Variants in AHCYL2 observed in about 807,000 individuals in gnomAD.
AHCYL2 encodes the protein adenosylhomocysteinase like 2.
AHCYL2 carries 28 observed loss-of-function variants against 81.4 expected under a neutral mutation model. The ratio of observed to expected loss-of-function variants is 0.34; its 90% CI spans 0.25 to 0.47. AHCYL2 has a LOEUF of 0.47. Ranked by LOEUF, AHCYL2 falls within the 20% of genes least tolerant of loss-of-function variation. The probability of loss-of-function intolerance (pLI) is 1.00; values close to 1 mark genes in which losing one functional copy is unlikely to be tolerated. For synonymous variants in AHCYL2, 272 were observed against 290.2 expected (o/e 0.94, Z 0.64); for missense variants, 551 against 785.1 (o/e 0.70, Z 3.56).
intron 1 of AHCYL2, among the ~76,000 whole-genome samples, chr7:129,236,269 C>T (rs1794641207): frequency 6.6e-6 from 1 of 151,696 alleles, no homozygotes; most frequent in Non-Finnish European, 1.5e-5. Context: ...GGTGTGATCT[C>T]AGCTCACTGC....
chr7:129,237,407 CT>C (rs1794677442), intron 1 of AHCYL2, among the ~76,000 whole-genome samples: 1 of 152,052 alleles, frequency 6.6e-6, no homozygotes, highest in Admixed American at 6.6e-5. Context: ...ATTTTTCTTT[CT>C]TAACTCTTAG....
intron 1 of AHCYL2, among the ~76,000 whole-genome samples, chr7:129,343,805 C>G (rs2150819726): frequency 6.6e-6 from 1 of 152,188 alleles, no homozygotes; most frequent in South Asian, 2.1e-4. Context: ...TGATAGAGTT[C>G]TCCAAAATTA....
Position 129,335,229 on chromosome 7 carries a change from C to T in AHCYL2, c.364-44409C>T, listed in dbSNP as rs139568762. Among the ~76,000 whole-genome samples, 766 of 152,116 alleles carry T rather than the reference C, an allele frequency of 5.0e-3. 10 individuals carry two copies. The highest frequency in any genetic ancestry group is 0.018 in the African/African-American group (732 of 41,500). ...AAAAAATAAAAATAAAAAAATTAGC[C>T]TGGCCTGGTGGCACATGCCTGTAGT... On this transcript the variant is annotated intron_variant, in intron 1 of 16. Coordinates refer to ENST00000325006, the MANE Select transcript of AHCYL2 (RefSeq NM_015328.4).
chr7:129,397,221 G>T lies in AHCYL2; in HGVS notation c.721-1G>T. 6.2e-7 allele frequency: 1 copy of T among 1,613,768 alleles called. No individual in the cohort carries two copies. On this transcript the variant is annotated splice_acceptor_variant, in intron 4 of 16. Coordinates refer to ENST00000325006, the MANE Select transcript of AHCYL2 (RefSeq NM_015328.4). LOFTEE classifies it high-confidence loss of function. ...CATACCCTGCTTTGTCTTTAATACA[G>T]GTGCTTATGGAAACTCTGGGTGCTC...
intron 2 of AHCYL2, among the ~76,000 whole-genome samples, chr7:129,382,298 T>C (rs577792498): frequency 2.0e-5 from 3 of 152,280 alleles, no homozygotes; most frequent in Admixed American, 6.5e-5. Flanking sequence ...TTTCAGCATA[T>C]GTTATAATTT....
intron 1 of AHCYL2, among the ~76,000 whole-genome samples, chr7:129,229,220 A>AT (rs1179591430): frequency 3.3e-5 from 5 of 152,172 alleles, no homozygotes; most frequent in African/African-American, 1.2e-4. Flanking sequence ...GGCATGCACC[A>AT]CCATGCCCGG....
At chr7:129,304,417 T>A (rs1379255626) in intron 1 of AHCYL2, among the ~76,000 whole-genome samples, 4 of 152,250 alleles carry the variant, frequency 2.6e-5, no homozygotes, top group African/African-American at 9.6e-5. Flanking sequence ...TAGTGCAGAT[T>A]AAGTCCAGTG....
At chr7:129,237,829 A>G (rs936828678) in intron 1 of AHCYL2, among the ~76,000 whole-genome samples, 5 of 152,048 alleles carry the variant, frequency 3.3e-5, no homozygotes, top group Admixed American at 1.3e-4. Context: ...GGGTTCAAGC[A>G]ACCCCAGCCT....
rs115328799 is a variant in AHCYL2 at position 129,385,094 on chromosome 7, G to C, written c.476-3962G>C. 6.6e-3 allele frequency among the ~76,000 whole-genome samples: 1,003 copies of C among 152,326 alleles called. 9 individuals carry two copies. The highest frequency in any genetic ancestry group is 0.023 in the African/African-American group (962 of 41,572). On this transcript the variant is annotated intron_variant, in intron 2 of 16. Coordinates refer to ENST00000325006, the MANE Select transcript of AHCYL2 (RefSeq NM_015328.4). ...TTAAGGATGAGGAAAGAAGACAGAA[G>C]TCCCTTCTTCACGATTGGTTCTTTT...
At chr7:129,267,329 A>G (rs1301606508) in intron 1 of AHCYL2, among the ~76,000 whole-genome samples, 1 of 150,232 alleles carries the variant, frequency 6.7e-6, no homozygotes, top group Non-Finnish European at 1.5e-5. Context: ...TTTGAGACAG[A>G]GTTTCACTCT....
chr7:129,245,267 G>A (rs1795009988), intron 1 of AHCYL2, among the ~76,000 whole-genome samples: 1 of 151,860 alleles, frequency 6.6e-6, no homozygotes, highest in Non-Finnish European at 1.5e-5. Flanking sequence ...TCAGGTGATC[G>A]ACCTGCCTCA....
chr7:129,403,860 C>CAAGAAA (rs1796157065), intron 7 of AHCYL2, among the ~76,000 whole-genome samples: 1 of 80,200 alleles, frequency 1.2e-5, no homozygotes, highest in Non-Finnish European at 2.7e-5. Context: ...GACTCCATCT[C>CAAGAAA]AAAAAAAAAA....
intron 1 of AHCYL2, among the ~76,000 whole-genome samples, chr7:129,337,381 C>T (rs1798640327): frequency 6.6e-6 from 1 of 151,810 alleles, no homozygotes; most frequent in African/African-American, 2.4e-5. Context: ...ATAGATAGGC[C>T]GTAATTTATT....
intron 1 of AHCYL2, among the ~76,000 whole-genome samples, chr7:129,292,338 A>C (rs777768628): frequency 6.6e-6 from 1 of 152,252 alleles, no homozygotes; most frequent in Non-Finnish European, 1.5e-5. Flanking sequence ...GCACTATAAT[A>C]ATCAGCAGTT....
At chr7:129,412,867 C>T (rs1017572088) in intron 11 of AHCYL2, among the ~76,000 whole-genome samples, 1 of 152,048 alleles carries the variant, frequency 6.6e-6, no homozygotes, top group African/African-American at 2.4e-5. Context: ...GAGACAGGGT[C>T]TCACTCTGTC....
intron 1 of AHCYL2, among the ~76,000 whole-genome samples, chr7:129,284,599 C>CAAAA (rs1232402820): frequency 1.9e-5 from 1 of 53,270 alleles, no homozygotes; most frequent in Non-Finnish European, 4.0e-5. Context: ...GACTTCGTCT[C>CAAAA]AAAAAAAAAA....
chr7:129,271,275 G>A lies in AHCYL2; in HGVS notation c.363+45836G>A, dbSNP rs550329905. Among the ~76,000 whole-genome samples, 6 of 150,654 alleles carry A rather than the reference G, an allele frequency of 4.0e-5. No individual in the cohort carries two copies. In the East Asian group the frequency reaches 1.2e-3, roughly 30 times the overall value. On this transcript the variant is annotated intron_variant, in intron 1 of 16. Transcript: ENST00000325006. ...ATTCGGGAGGCTAAGGCAGAAGAAT[G>A]GCGTGAACCCGAGAGGTGGAGCTTG...
chr7:129,300,162 G>T (rs917385347), intron 1 of AHCYL2, among the ~76,000 whole-genome samples: 1 of 151,992 alleles, frequency 6.6e-6, no homozygotes, highest in Non-Finnish European at 1.5e-5. Flanking sequence ...TACTCTTTTA[G>T]TTATTTTAAA....
chr7:129,347,660 G>A (rs756655729), intron 1 of AHCYL2, among the ~76,000 whole-genome samples: 1 of 152,006 alleles, frequency 6.6e-6, no homozygotes, highest in Non-Finnish European at 1.5e-5. Flanking sequence ...TTTCTTTACA[G>A]TGATAGTGAA....
Sources: gnomAD v4.1 joint callset for allele counts (sites outside exome capture counted in the v4.1 genomes callset) on GRCh38, gnomAD v4.1.1 for gene constraint, MANE v1.5 for transcripts, NCBI Gene and HGNC (gene_info 2026-07-23, HGNC 2026-07-21) for gene names.